The following ITGAD variants were observed in gnomAD, a reference collection of about 807,000 sequenced individuals.
The protein encoded by ITGAD is integrin alpha-D.
In ITGAD, 105 loss-of-function variants were observed where a neutral mutation model predicts 139.0. The ratio of observed to expected loss-of-function variants is 0.76; its 90% CI spans 0.65 to 0.89. The LOEUF is 0.89. ITGAD is among the 40% of genes least tolerant of loss of function. The probability of loss-of-function intolerance (pLI) is 0.00; values close to 1 mark genes in which losing one functional copy is unlikely to be tolerated. For missense variants in ITGAD, 1,384 were observed against 1,487.3 expected (o/e 0.93, Z 1.14); for synonymous variants, 569 against 598.3 (o/e 0.95, Z 0.71).
chr16:31,406,622 T>C (rs927944291), intron 7 of ITGAD, among the ~76,000 whole-genome samples: 1 of 152,174 alleles, frequency 6.6e-6, no homozygotes, highest in South Asian at 2.1e-4. Context: ...GAGCCTCTTA[T>C]TTCAGGTGGC....
At chr16:31,409,967 T>C (rs1258991110) in intron 10 of ITGAD, among the ~76,000 whole-genome samples, 1 of 136,964 alleles carries the variant, frequency 7.3e-6, no homozygotes, top group Non-Finnish European at 1.6e-5. Context: ...GGAGGGGAAA[T>C]GAGCTGAGTC....
chr16:31,423,494 C>T (rs774508137), intron 25 of ITGAD, 35 bp downstream of exon 25: 16 of 1,603,554 alleles, frequency 1.0e-5, no homozygotes, highest in Non-Finnish European at 1.3e-5. Flanking sequence ...TTCAGACTGA[C>T]ATCCCACAGC....
At chr16:31,400,950 A>G (rs948876493) in intron 5 of ITGAD, among the ~76,000 whole-genome samples, 1 of 152,120 alleles carries the variant, frequency 6.6e-6, no homozygotes, top group African/African-American at 2.4e-5. Context: ...TGAAGGGTGG[A>G]TGCAATGCAA....
At chr16:31,399,419 C>A (rs781005952) in intron 5 of ITGAD, among the ~76,000 whole-genome samples, 1 of 152,148 alleles carries the variant, frequency 6.6e-6, no homozygotes, top group African/African-American at 2.4e-5. Flanking sequence ...TGCCAGGGGC[C>A]GCTCAGGGTG....
chr16:31,415,934 C>A (rs924236960), intron 18 of ITGAD, among the ~76,000 whole-genome samples: 2 of 152,260 alleles, frequency 1.3e-5, no homozygotes, highest in African/African-American at 4.8e-5. Context: ...AACCCAGAAC[C>A]TGCACAATTA....
chr16:31,423,107 T>G lies in ITGAD; in HGVS notation c.2781-7T>G. The stretch of plus-strand genomic sequence containing the variant: ...GGCTGTTTTTCACCCACAGGCTCTC[T>G]CTCCAGGCAGGAAGAATCCACCAAG... On this transcript the variant is annotated splice_polypyrimidine_tract_variant and splice_region_variant and intron_variant, in intron 23 of 29. Transcript: ENST00000389202. 3 of 1,613,528 alleles carry G rather than the reference T, an allele frequency of 1.9e-6. No individual in the cohort carries two copies. The highest frequency in any genetic ancestry group is 1.7e-4 in the Middle Eastern group (1 of 6,060).
At chr16:31,405,640 CTTTTTTT>C (rs569550173) in intron 7 of ITGAD, among the ~76,000 whole-genome samples, 7 of 103,990 alleles carry the variant, frequency 6.7e-5, no homozygotes, top group South Asian at 6.1e-4. Context: ...TTTTGTTTTC[CTTTTTTT>C]TTTTTTTTTT....
rs751767956 is a variant in ITGAD, at chr16:31,393,372, C to T, written c.12C>T (p.Gly4=). ...CGCGCTGCTCAGGGATGACCTTCGG[C>T]ACTGTGCTTCTTCTGAGTGGTAAGT... The part of the protein sequence containing the change: MTF[G]TVLLLSVLAS... Residue 4 remains glycine (G), a synonymous_variant, in exon 1 of 30, where the codon GGC becomes GGT. Transcript: ENST00000389202. 1 of 1,614,138 alleles carries T rather than the reference C, an allele frequency of 6.2e-7. No individual in the cohort carries two copies. Among genetic ancestry groups the T allele is most frequent in the Non-Finnish European group, 8.5e-7 (1 of 1,180,024 alleles).
At chr16:31,400,961 T>C (rs1447857717) in intron 5 of ITGAD, among the ~76,000 whole-genome samples, 1 of 152,006 alleles carries the variant, frequency 6.6e-6, no homozygotes, top group Non-Finnish European at 1.5e-5. Flanking sequence ...TGCAATGCAA[T>C]CATAACAGAG....
intron 14 of ITGAD, among the ~76,000 whole-genome samples, chr16:31,411,765 G>A (rs560915113): frequency 7.9e-5 from 12 of 152,366 alleles, no homozygotes; most frequent in Admixed American, 5.2e-4. Context: ...GCCATCCTGA[G>A]CTGTGTGGCC....
intron 10 of ITGAD, among the ~76,000 whole-genome samples, chr16:31,410,185 C>T (rs911521389): frequency 3.3e-5 from 5 of 151,870 alleles, no homozygotes; most frequent in Non-Finnish European, 5.9e-5. Flanking sequence ...GTGAGCACAG[C>T]GGGGGCAGAC....
At chr16:31,394,206 C>A in intron 1 of ITGAD, 30 bp from the exon 2 acceptor site, 1 of 1,485,628 alleles carries the variant, frequency 6.7e-7, no homozygotes, top group Non-Finnish European at 9.4e-7. Context: ...CTTTAACTCC[C>A]AGCCTCCCCG....
chr16:31,402,202 T>A lies in ITGAD; in HGVS notation c.515T>A (p.Phe172Tyr). The change falls in exon 6 of 30, where the codon TTT becomes TAT. Residue 172 changes from phenylalanine (F) to tyrosine (Y), a missense_variant. Transcript: ENST00000389202. ...AATGACTTTAACCAGATGAAGGGCTTTGTCCAAGCTGTCATGGGCCAGTTT... is the reference window on the plus strand; with the variant it reads ...AATGACTTTAACCAGATGAAGGGCTATGTCCAAGCTGTCATGGGCCAGTTT... ...DQNDFNQMKG[F>Y]VQAVMGQFEG... 2 of 1,613,726 alleles carry A rather than the reference T, an allele frequency of 1.2e-6. No individual in the cohort carries two copies. Among genetic ancestry groups the A allele is most frequent in the Non-Finnish European group, 1.7e-6 (2 of 1,179,784 alleles).
intron 23 of ITGAD, among the ~76,000 whole-genome samples, 185 bp from the exon 24 acceptor site, chr16:31,422,929 A>C (rs2082034950): frequency 6.6e-6 from 1 of 152,052 alleles, no homozygotes; most frequent in South Asian, 2.1e-4. Flanking sequence ...GGGTTCAAGA[A>C]ACCCTCCTGC....
At chr16:31,397,044 A>G (rs1187000682) in intron 2 of ITGAD, among the ~76,000 whole-genome samples, 1 of 124,350 alleles carries the variant, frequency 8.0e-6, no homozygotes, top group Admixed American at 7.7e-5. Flanking sequence ...GGGAAATGCC[A>G]TTTTGGTCTT....
Position 31,402,316 on chromosome 16 carries a change from G to A in ITGAD, c.558+71G>A, listed in dbSNP as rs914228117. ...CTGGCCTCGGGGAGGCATCCCGGGA[G>A]GGGTGGGGGCAGGCCAGTGAGCCGT... On this transcript the variant is annotated intron_variant, in intron 6 of 29. Coordinates refer to ENST00000389202, the MANE Select transcript of ITGAD (RefSeq NM_005353.3). The A allele has an allele frequency of 3.1e-6, 4 of 1,277,378 alleles. No individual in the cohort carries two copies. The African/African-American group carries it at 4.4e-5, about 14-fold the overall frequency. The allele number at this position is 1,277,378 out of a possible 1,614,324, so 79.1% of individuals were successfully genotyped here. A position where few individuals can be genotyped will look rare whatever the true frequency, so the allele number is the denominator to read the frequency against.
chr16:31,413,777 G>T (rs2081801906), intron 16 of ITGAD, among the ~76,000 whole-genome samples: 1 of 152,074 alleles, frequency 6.6e-6, no homozygotes, highest in Non-Finnish European at 1.5e-5. Flanking sequence ...CTCCCTTCTG[G>T]TCTTAGGCCC....
chr16:31,396,644 G>A (rs1200472003), intron 2 of ITGAD, among the ~76,000 whole-genome samples: 3 of 152,204 alleles, frequency 2.0e-5, no homozygotes, highest in African/African-American at 7.2e-5. Context: ...GCGGCACCTA[G>A]AAGGAACCCT....
Position 31,407,760 on chromosome 16 carries a change from C to G in ITGAD, c.859-6C>G. 1.2e-6 allele frequency: 2 copies of G among 1,613,954 alleles called. No individual in the cohort carries two copies. Among genetic ancestry groups the G allele is most frequent in the Non-Finnish European group, 1.7e-6 (2 of 1,179,828 alleles). ...CTCATCCTCCTCGGCTGTCTCTCTG[C>G]TGCAGGTGGGACACGCTTTCCAGGG... On this transcript the variant is annotated splice_region_variant and splice_polypyrimidine_tract_variant and intron_variant, in intron 8 of 29. Transcript: ENST00000389202.
Sources: gnomAD v4.1 joint callset for allele counts (sites outside exome capture counted in the v4.1 genomes callset) on GRCh38, gnomAD v4.1.1 for gene constraint, MANE v1.5 for transcripts, NCBI Gene and HGNC (gene_info 2026-07-23, HGNC 2026-07-21) for gene names.